The following TP53BP2 variants were observed in gnomAD, a reference collection of about 807,000 sequenced individuals.
TP53BP2 encodes the protein tumor protein p53 binding protein 2.
A neutral mutation model predicts 126.2 loss-of-function variants in TP53BP2; 62 were observed. The observed-to-expected ratio is 0.49, with a 90% CI of 0.40 to 0.61. The LOEUF (loss-of-function observed/expected upper bound fraction) is 0.61. Among genes scored for constraint, TP53BP2 ranks in the 20% least tolerant of loss-of-function variants. The probability of loss-of-function intolerance (pLI) is 0.00; values close to 1 mark genes in which losing one functional copy is unlikely to be tolerated. For missense variants in TP53BP2, 1,215 were observed against 1,402.8 expected (o/e 0.87, Z 2.14); for synonymous variants, 485 against 502.9 (o/e 0.96, Z 0.48).
intron 15 of TP53BP2, among the ~76,000 whole-genome samples, chr1:223,791,213 G>A (rs556604363): frequency 1.3e-5 from 2 of 152,154 alleles, no homozygotes; most frequent in East Asian, 1.9e-4. Flanking sequence ...GATCACTTGA[G>A]TCCAGGAGTT....
chr1:223,821,964 T>C (rs1663328771), intron 1 of TP53BP2, among the ~76,000 whole-genome samples: 1 of 151,946 alleles, frequency 6.6e-6, no homozygotes, highest in Admixed American at 6.6e-5. Context: ...TGATCTCGGC[T>C]CACTGCAACA....
rs1054602112 is a variant in TP53BP2, at chr1:223,845,776, C to G, written c.-96G>C. On this transcript the variant is annotated 5_prime_UTR_variant, in exon 1 of 18. Transcript: ENST00000343537. Reference sequence around the variant, plus strand: ...GGAGCGGAGAGCGAGGCCGCCCGGACCTGTTGCGAGGCGGCGGCGGCGGCA... The same window carrying G: ...GGAGCGGAGAGCGAGGCCGCCCGGAGCTGTTGCGAGGCGGCGGCGGCGGCA... 21 of 1,224,092 alleles carry G rather than the reference C, an allele frequency of 1.7e-5. No homozygotes were observed. In the African/African-American group the frequency reaches 2.7e-4, roughly 16 times the overall value. 75.8% of individuals were successfully genotyped at this position (1,224,092 alleles called of 1,614,324 possible).
At chr1:223,826,614 T>C (rs73131150) in intron 1 of TP53BP2, among the ~76,000 whole-genome samples, 4,735 of 152,314 alleles carry the variant, frequency 0.031, 246 homozygotes, top group African/African-American at 0.11. Context: ...TTAGTGGTGA[T>C]AGTTACACAA....
rs376987408 is a variant in TP53BP2, at chr1:223,803,424, C to A, written c.678G>T (p.Leu226Phe). 3 of 1,613,086 alleles carry A rather than the reference C, an allele frequency of 1.9e-6. No individual in the cohort carries two copies. The highest frequency in any genetic ancestry group is 2.2e-5 in the East Asian group (1 of 44,866). The change falls in exon 7 of 18, where the codon TTG (leucine) becomes TTT (phenylalanine). Residue 226 changes from leucine (L) to phenylalanine (F), a missense_variant. Around this residue, in one of 4 missense-constraint regions of TP53BP2, gnomAD observed 814 missense variants for 853.0 expected, o/e 0.95. Transcript: ENST00000343537. ...LVEEIEQMNNLFQQKQRELVL... is the reference protein window; with the variant it reads ...LVEEIEQMNNFFQQKQRELVL... ...CGAGCTCCCTCTGTTTTTGCTGGAA[C>A]AAATTATTCATCTGTTCAATTTCCT... is the stretch of plus-strand genomic sequence containing the variant.
chr1:223,841,912 CTT>C (rs779473003), intron 1 of TP53BP2, among the ~76,000 whole-genome samples: 18 of 142,278 alleles, frequency 1.3e-4, no homozygotes, highest in Admixed American at 1.4e-4. Flanking sequence ...CTTTCTCTTT[CTT>C]TTTTTTTTTT....
chr1:223,790,231 G>A (rs1662106510), intron 15 of TP53BP2, among the ~76,000 whole-genome samples: 2 of 151,292 alleles, frequency 1.3e-5, no homozygotes, highest in Admixed American at 6.6e-5. Flanking sequence ...ACTCCAGGGT[G>A]ACACAGCAAG....
In TP53BP2 at chr1:223,845,650, T is replaced by C; in HGVS notation, c.27+4A>G. 1 of 1,554,178 alleles carries C rather than the reference T, an allele frequency of 6.4e-7. No homozygotes were observed. The highest frequency in any genetic ancestry group is 2.6e-5 in the East Asian group (1 of 38,790). ...CCCGACGCCCTGGCCGCTCGCCCAC[T>C]TACCGGCATCATCTTGGACCCGAAC... is the stretch of plus-strand genomic sequence containing the variant. On this transcript the variant is annotated splice_donor_region_variant and intron_variant, in intron 1 of 17. Transcript: ENST00000343537.
At chr1:223,793,876 C>G (rs935603384) in intron 13 of TP53BP2, among the ~76,000 whole-genome samples, 3 of 152,202 alleles carry the variant, frequency 2.0e-5, no homozygotes, top group African/African-American at 7.2e-5. Flanking sequence ...ACAACTACAA[C>G]AGCTAACCTA....
chr1:223,835,776 T>C (rs1016259653), intron 1 of TP53BP2, among the ~76,000 whole-genome samples: 6 of 152,066 alleles, frequency 3.9e-5, no homozygotes, highest in African/African-American at 1.4e-4. Flanking sequence ...AACACAAAGA[T>C]GAAAAGGCAT....
chr1:223,795,762 T>C, intron 13 of TP53BP2, 53 bp downstream of exon 13: 6 of 1,374,882 alleles, frequency 4.4e-6, no homozygotes, highest in Non-Finnish European at 5.7e-6. Flanking sequence ...ACCAAGAAAA[T>C]CGTAACAAAG....
Position 223,802,118 on chromosome 1 carries a change from T to C in TP53BP2, c.1223A>G (p.Lys408Arg), listed in dbSNP as rs756876621. The C allele has an allele frequency of 1.9e-5, 31 of 1,613,866 alleles. No individual in the cohort carries two copies. The highest frequency in any genetic ancestry group is 2.6e-5 in the Non-Finnish European group (31 of 1,179,922). ...NMRSGAASQT[K>R]GSKIHPVGPD... ...CTAGGCTGTGCAGGACTTTTTACCT[T>C]TAGTTTGTGAAGCAGCCCCAGATCT... The change falls in exon 9 of 18, where the codon AAA (lysine) becomes AGA (arginine). Residue 408 changes from lysine (K) to arginine (R), a missense_variant and splice_region_variant. Physicochemically the swap from Lys to Arg is conservative, Grantham distance 26. Around this residue, in one of 4 missense-constraint regions of TP53BP2, gnomAD observed 814 missense variants for 853.0 expected, o/e 0.95. Coordinates refer to ENST00000343537, the MANE Select transcript of TP53BP2 (RefSeq NM_001031685.3).
intron 9 of TP53BP2, among the ~76,000 whole-genome samples, chr1:223,801,645 A>G (rs1662528864): frequency 1.3e-5 from 2 of 152,324 alleles, no homozygotes; most frequent in East Asian, 1.9e-4. Flanking sequence ...TAATCTCCCA[A>G]TATGTTTAAT....
At chr1:223,784,084 T>C (rs1330561411) in intron 17 of TP53BP2, 31 bp downstream of exon 17, 26 of 1,607,048 alleles carry the variant, frequency 1.6e-5, no homozygotes, top group Non-Finnish European at 2.0e-5. Flanking sequence ...CTGGCACATA[T>C]GAAAACACCG....
intron 12 of TP53BP2, among the ~76,000 whole-genome samples, chr1:223,797,103 T>C (rs1662350916): frequency 6.7e-6 from 1 of 149,708 alleles, no homozygotes; most frequent in South Asian, 2.1e-4. Flanking sequence ...ATTCCCAAAT[T>C]ATTCCATTTT....
chr1:223,792,324 T>C lies in TP53BP2; in HGVS notation c.2996+65A>G, dbSNP rs1662179972. Reference sequence around the variant, plus strand: ...ACTTCTTTGTCTTCCAACAGCACTATGACAACTGCTTATAAACCGATTCCC... The same window carrying C: ...ACTTCTTTGTCTTCCAACAGCACTACGACAACTGCTTATAAACCGATTCCC... On this transcript the variant is annotated intron_variant, in intron 15 of 17. Transcript: ENST00000343537. The C allele has an allele frequency of 3.3e-6, 5 of 1,531,368 alleles. No individual in the cohort carries two copies. In the East Asian group the frequency reaches 1.2e-4, roughly 37 times the overall value. 94.9% of individuals were successfully genotyped at this position (1,531,368 alleles called of 1,614,324 possible).
At chr1:223,804,009 C>G (rs1190000620) in intron 6 of TP53BP2, among the ~76,000 whole-genome samples, 165 bp downstream of exon 6, 1 of 152,148 alleles carries the variant, frequency 6.6e-6, no homozygotes, top group East Asian at 1.9e-4. Context: ...ACAGATCAAC[C>G]ATGGTGGCTT....
chr1:223,834,665 T>TCAC (rs1369996008), intron 1 of TP53BP2, among the ~76,000 whole-genome samples: 2 of 152,046 alleles, frequency 1.3e-5, no homozygotes, highest in Non-Finnish European at 2.9e-5. Flanking sequence ...TAGCCTCGAG[T>TCAC]CACCAAATGA....
chr1:223,832,460 T>C (rs1331238369), intron 1 of TP53BP2, among the ~76,000 whole-genome samples: 2 of 152,234 alleles, frequency 1.3e-5, no homozygotes, highest in Non-Finnish European at 2.9e-5. Flanking sequence ...TCAGTTTCTA[T>C]ATTTTGTTGT....
chr1:223,792,786 T>A (rs1433094743), intron 14 of TP53BP2, among the ~76,000 whole-genome samples: 1 of 151,864 alleles, frequency 6.6e-6, no homozygotes, highest in East Asian at 1.9e-4. Context: ...ATCCTTATAG[T>A]CATTTTTGTT....
Sources: gnomAD v4.1 joint callset for allele counts (sites outside exome capture counted in the v4.1 genomes callset) on GRCh38, gnomAD v4.1.1 for gene constraint, gnomAD v4.1.1 regional missense constraint, MANE v1.5 for transcripts, NCBI Gene and HGNC (gene_info 2026-07-23, HGNC 2026-07-21) for gene names.